VPS41: variants seen among roughly 807,000 people sequenced by gnomAD.
VPS41 encodes VPS41 subunit of HOPS complex.
Under a neutral mutation model 130.9 loss-of-function variants are expected in VPS41, and 85 were observed. The ratio of observed to expected loss-of-function variants is 0.65; its 90% CI spans 0.55 to 0.78. The LOEUF (loss-of-function observed/expected upper bound fraction) is 0.78. VPS41 is among the 30% of genes least tolerant of loss of function. The probability of loss-of-function intolerance (pLI) is 0.00; values close to 1 mark genes in which losing one functional copy is unlikely to be tolerated. For missense variants in VPS41, 874 were observed against 1,018.7 expected, an observed-to-expected ratio of 0.86 and a Z score of 1.93; for synonymous variants, 335 against 332.9, an observed-to-expected ratio of 1.01 and a Z score of -0.07.
intron 5 of VPS41, 44 bp from the exon 6 acceptor site, chr7:38,821,309 G>A (rs1246220752): frequency 1.4e-6 from 2 of 1,422,536 alleles, no homozygotes; most frequent in African/African-American, 1.4e-5. Context: ...GACAGCAATA[G>A]AGAAGGCTAC....
At chr7:38,872,255 C>A (rs1299597830) in intron 2 of VPS41, among the ~76,000 whole-genome samples, 1 of 152,194 alleles carries the variant, frequency 6.6e-6, no homozygotes, top group Non-Finnish European at 1.5e-5. Flanking sequence ...GATCAAGCAG[C>A]CCTGTGGAGG....
intron 16 of VPS41, among the ~76,000 whole-genome samples, chr7:38,763,755 A>G (rs1191728678): frequency 4.6e-5 from 7 of 152,198 alleles, no homozygotes; most frequent in Non-Finnish European, 1.0e-4. Context: ...TACATGTATG[A>G]ATGAATTTAA....
At chr7:38,742,178 T>G (rs764459116) in intron 24 of VPS41, 57 bp from the exon 25 acceptor site, 1 of 1,492,930 alleles carries the variant, frequency 6.7e-7, no homozygotes, top group Non-Finnish European at 9.0e-7. Flanking sequence ...TGCAATTTTA[T>G]TTGCACATAA....
rs970033340 is a variant in VPS41 at position 38,800,335 on chromosome 7, A to G, written c.451-3471T>C. ...TGAATGTGTATTCACATATATTATA[A>G]AATCTAAAAGATACATGACAAAGTA... is the stretch of plus-strand genomic sequence containing the variant. On this transcript the variant is annotated intron_variant, in intron 7 of 28. Transcript: ENST00000310301. Among the ~76,000 whole-genome samples the G allele has an allele frequency of 2.6e-5, 4 of 152,352 alleles. 1 individual carries two copies. The highest frequency in any genetic ancestry group is 9.6e-5 in the African/African-American group (4 of 41,586).
intron 7 of VPS41, among the ~76,000 whole-genome samples, chr7:38,810,766 A>G (rs947150625): frequency 6.6e-6 from 1 of 152,194 alleles, no homozygotes; most frequent in Non-Finnish European, 1.5e-5. Flanking sequence ...CCTCTCAGTT[A>G]TCTGACATAT....
At chr7:38,739,173 C>T (rs1265211249) in intron 25 of VPS41, among the ~76,000 whole-genome samples, 1 of 152,134 alleles carries the variant, frequency 6.6e-6, no homozygotes, top group African/African-American at 2.4e-5. Flanking sequence ...AGAACATTTC[C>T]CCAACATCTG....
chr7:38,776,647 C>T lies in VPS41; in HGVS notation c.882+32G>A, dbSNP rs182331492. On this transcript the variant is annotated intron_variant, in intron 11 of 28. Transcript: ENST00000310301. Reference sequence around the variant, plus strand: ...GTGTAATGCTAAAAGTGAACCCCCACATGCCTTTGTATCTGGGGAGAAAAT... The same window carrying T: ...GTGTAATGCTAAAAGTGAACCCCCATATGCCTTTGTATCTGGGGAGAAAAT... 226 of 1,256,206 alleles carry T rather than the reference C, an allele frequency of 1.8e-4. 2 individuals carry two copies. The South Asian group carries it at 1.9e-3, about 11-fold the overall frequency. 77.8% of individuals were successfully genotyped at this position (1,256,206 alleles called of 1,614,324 possible).
chr7:38,825,301 C>T (rs1187408666), intron 5 of VPS41, among the ~76,000 whole-genome samples: 3 of 152,188 alleles, frequency 2.0e-5, no homozygotes, highest in Non-Finnish European at 4.4e-5. Context: ...CGAGACAAAT[C>T]TCATAAGCTT....
rs894531606 is a variant in VPS41 at position 38,821,265 on chromosome 7, C to T, written c.322G>A (p.Val108Met). Residue 108 changes from valine (V) to methionine (M), a missense_variant and splice_region_variant, in exon 6 of 29, where the codon GTG (valine) becomes ATG (methionine). Transcript: ENST00000310301. The part of the protein sequence containing the change: ...HMGVCSEDGK[V>M]QVFGLYSGEE... ...CCAGAATACAGTCCAAATACCTGCA[C>T]CTACAAAGAAAATGGATTGTATCAG... 3.1e-6 allele frequency: 5 copies of T among 1,612,782 alleles called. No homozygotes were observed. The highest frequency in any genetic ancestry group is 1.7e-5 in the Admixed American group (1 of 59,988).
chr7:38,766,947 G>A (rs1465760557), intron 15 of VPS41, among the ~76,000 whole-genome samples: 1 of 152,106 alleles, frequency 6.6e-6, no homozygotes, highest in Non-Finnish European at 1.5e-5. Context: ...TGTGAGAATG[G>A]ACTAATACAT....
chr7:38,754,492 A>T (rs992691397), intron 21 of VPS41, among the ~76,000 whole-genome samples: 1 of 152,194 alleles, frequency 6.6e-6, no homozygotes, highest in Non-Finnish European at 1.5e-5. Context: ...GTCAAAATTC[A>T]ACTGCCTGAT....
intron 3 of VPS41, among the ~76,000 whole-genome samples, chr7:38,867,833 T>C (rs1404946304): frequency 1.3e-5 from 2 of 152,168 alleles, no homozygotes; most frequent in Admixed American, 1.3e-4. Context: ...AAAGCACTAA[T>C]TCAGGGTTGA....
intron 16 of VPS41, among the ~76,000 whole-genome samples, chr7:38,764,386 G>C (rs890820443): frequency 1.3e-5 from 2 of 152,212 alleles, no homozygotes; most frequent in African/African-American, 4.8e-5. Flanking sequence ...TCACTGAAGG[G>C]AGGTGAGGCT....
chr7:38,884,112 T>G (rs922531746), intron 2 of VPS41, among the ~76,000 whole-genome samples: 12 of 152,220 alleles, frequency 7.9e-5, no homozygotes, highest in African/African-American at 2.7e-4. Flanking sequence ...CAATTTAATT[T>G]TCAATAAATG....
chr7:38,884,350 T>C (rs1182111752), intron 2 of VPS41, among the ~76,000 whole-genome samples: 1 of 152,238 alleles, frequency 6.6e-6, no homozygotes, highest in Non-Finnish European at 1.5e-5. Flanking sequence ...TAATTTCAAG[T>C]ATTTGTCAGT....
chr7:38,756,495 G>T (rs1329315582), intron 19 of VPS41, among the ~76,000 whole-genome samples: 1 of 152,100 alleles, frequency 6.6e-6, no homozygotes, highest in African/African-American at 2.4e-5. Context: ...TGGAAAACAG[G>T]TTAGGAGGGA....
chr7:38,899,852 T>C (rs376402353), intron 1 of VPS41, among the ~76,000 whole-genome samples: 1 of 152,154 alleles, frequency 6.6e-6, no homozygotes, highest in Non-Finnish European at 1.5e-5. Flanking sequence ...TTCAGGAAAA[T>C]CACATTAAAC....
intron 12 of VPS41, 126 bp downstream of exon 12, chr7:38,773,989 C>T (rs1025299124): frequency 3.2e-5 from 29 of 901,844 alleles, no homozygotes; most frequent in Non-Finnish European, 3.7e-5. Context: ...TCAGCACACA[C>T]AGTCTACGCA....
intron 11 of VPS41, among the ~76,000 whole-genome samples, chr7:38,776,425 T>C (rs1435868213): frequency 6.6e-6 from 1 of 152,208 alleles, no homozygotes; most frequent in Non-Finnish European, 1.5e-5. Context: ...TTCATTCCTT[T>C]TGACTAATAT....
Sources: allele counts gnomAD v4.1 joint callset (sites outside exome capture counted in the v4.1 genomes callset), GRCh38; gene constraint gnomAD v4.1.1; transcripts MANE v1.5; gene names NCBI Gene and HGNC (gene_info 2026-07-23, HGNC 2026-07-21).